Variants in RFTN1 observed in about 807,000 individuals in gnomAD.
RFTN1 encodes raftlin.
In RFTN1, 26 loss-of-function variants were observed where a neutral mutation model predicts 46.5. The observed-to-expected ratio is 0.56, with a 90% confidence interval of 0.41 to 0.78. RFTN1 has a LOEUF of 0.78. Ranked by LOEUF, RFTN1 falls within the 30% of genes least tolerant of loss-of-function variation. RFTN1 has a pLI of 0.00. For synonymous variants in RFTN1, 261 were observed against 284.2 expected, an observed-to-expected ratio of 0.92 and a Z score of 0.82; for missense variants, 693 against 718.7, an observed-to-expected ratio of 0.96 and a Z score of 0.41.
Position 16,504,784 on chromosome 3 carries a change from A to T in RFTN1, c.-9+8658T>A, listed in dbSNP as rs1401944299. The stretch of plus-strand genomic sequence containing the variant: ...CAGCTCCAGGCAGACATCTCCAAGA[A>T]CTGTTTCAACATCTCCACCTGGAAC... On this transcript the variant is annotated intron_variant, in intron 1 of 9. Coordinates refer to ENST00000334133, the MANE Select transcript of RFTN1 (RefSeq NM_015150.2). This position sits in a 1 kb window ranked among gnomAD's most constrained non-coding sequence, Gnocchi z 4.4. 6.6e-6 allele frequency among the ~76,000 whole-genome samples: 1 copy of T among 152,106 alleles called. No homozygotes were observed. The highest frequency in any genetic ancestry group is 1.9e-4 in the East Asian group (1 of 5,194).
At chr3:16,444,528 C>A (rs2075693182) in intron 2 of RFTN1, among the ~76,000 whole-genome samples, 1 of 152,196 alleles carries the variant, frequency 6.6e-6, no homozygotes, top group South Asian at 2.1e-4. Context: ...AGTACTCCTG[C>A]AATGGAATGA....
intron 4 of RFTN1, among the ~76,000 whole-genome samples, chr3:16,405,810 A>G (rs2074843364): frequency 6.6e-6 from 1 of 152,198 alleles, no homozygotes; most frequent in South Asian, 2.1e-4. Context: ...TGATGGTACT[A>G]TGACAAAACG....
In RFTN1 at chr3:16,383,324, T is replaced by G. The variant is rs2074057069; in HGVS notation, c.442-5222A>C. 6.6e-6 allele frequency among the ~76,000 whole-genome samples: 1 copy of G among 152,294 alleles called. No homozygotes were observed. Among genetic ancestry groups the G allele is most frequent in the Admixed American group, 6.5e-5 (1 of 15,300 alleles). ...GTAAGAACCCACCTGCCCCAAATACTTAAAGAGTAACAATTTCTGGTTGAG... is the reference window on the plus strand; with the variant it reads ...GTAAGAACCCACCTGCCCCAAATACGTAAAGAGTAACAATTTCTGGTTGAG... On this transcript the variant is annotated intron_variant, in intron 4 of 9. Coordinates refer to ENST00000334133, the MANE Select transcript of RFTN1 (RefSeq NM_015150.2). The surrounding 1 kb of genome is among the most constrained non-coding windows in gnomAD (Gnocchi z 4.0).
Position 16,451,300 on chromosome 3 carries a change from C to T in RFTN1, c.146-17263G>A, listed in dbSNP as rs1172694562. Reference sequence around the variant, plus strand: ...ATCAGTGACCTCCTCTTACCCACCACGTCAGATCCCCCAAAGCCTTCATTC... The same window carrying T: ...ATCAGTGACCTCCTCTTACCCACCATGTCAGATCCCCCAAAGCCTTCATTC... On this transcript the variant is annotated intron_variant, in intron 2 of 9. Transcript: ENST00000334133. The surrounding 1 kb of genome is among the most constrained non-coding windows in gnomAD (Gnocchi z 4.2). Among the ~76,000 whole-genome samples the T allele has an allele frequency of 2.6e-5, 4 of 152,186 alleles. No individual in the cohort carries two copies. In the East Asian group the frequency reaches 5.8e-4, roughly 22 times the overall value.
In RFTN1 at chr3:16,346,028, G is replaced by T. The variant is rs2071694780; in HGVS notation, c.1146+11904C>A. 6.6e-6 allele frequency: 1 copy of T among 152,022 alleles called. No homozygotes were observed. The highest frequency in any genetic ancestry group is 6.6e-5 in the Admixed American group (1 of 15,258). The allele number at this position is 152,022 out of a possible 1,614,324, so 9.4% of individuals were successfully genotyped here. On this transcript the variant is annotated intron_variant, in intron 7 of 9. Transcript: ENST00000334133. The surrounding 1 kb of genome is among the most constrained non-coding windows in gnomAD (Gnocchi z 4.4). ...TGCAGCAAGAATCAAAATTCACTTT[G>T]CCCCATGATCTTCACCAGAACGGCA... is the stretch of plus-strand genomic sequence containing the variant.
intron 7 of RFTN1, among the ~76,000 whole-genome samples, chr3:16,339,150 C>A (rs955881013): frequency 6.6e-6 from 1 of 152,216 alleles, no homozygotes; most frequent in Non-Finnish European, 1.5e-5. Context: ...TTCTCTCTCC[C>A]TAACTTTCTC....
intron 2 of RFTN1, among the ~76,000 whole-genome samples, chr3:16,462,399 A>C (rs1018796542): frequency 4.6e-5 from 7 of 152,250 alleles, no homozygotes; most frequent in South Asian, 2.1e-4. Context: ...CTTATATAAC[A>C]AAGGATGTGA....
At position 16,345,855 on chromosome 3, in the gene RFTN1, T is replaced by TGTGTGTGTGTGTGC. The variant is rs1559843974; in HGVS notation, c.1146+12076_1146+12077insGCACACACACACAC. ...GCGCGCACGCGCACATGTGCATGTG[T>TGTGTGTGTGTGTGC]ATGTGTATAATCTCCTACTGGTTCT... is the stretch of plus-strand genomic sequence containing the variant. On this transcript the variant is annotated intron_variant, in intron 7 of 9. Transcript: ENST00000334133. This position sits in a 1 kb window ranked among gnomAD's most constrained non-coding sequence, Gnocchi z 5.2. 6.5e-5 allele frequency among the ~76,000 whole-genome samples: 4 copies of TGTGTGTGTGTGTGC among 61,734 alleles called. No homozygotes were observed. Among genetic ancestry groups the TGTGTGTGTGTGTGC allele is most frequent in the Non-Finnish European group, 1.2e-4 (4 of 33,512 alleles). 40.5% of individuals were successfully genotyped at this position (61,734 alleles called of 152,430 possible). A position where few individuals can be genotyped will look rare whatever the true frequency, so the allele number is the denominator to read the frequency against.
Position 16,354,556 on chromosome 3 carries a change from G to A in RFTN1, c.1146+3376C>T, listed in dbSNP as rs114128721. On this transcript the variant is annotated intron_variant, in intron 7 of 9. Coordinates refer to ENST00000334133, the MANE Select transcript of RFTN1 (RefSeq NM_015150.2). ...GGCCTCTGATGGGAGCAGCAGCCTT[G>A]ATGATCTCAGAAATGCCTTCAGGTC... Among the ~76,000 whole-genome samples, 135 of 152,326 alleles carry A rather than the reference G, an allele frequency of 8.9e-4. 1 individual carries two copies. The highest frequency in any genetic ancestry group is 3.1e-3 in the African/African-American group (130 of 41,576).
At chr3:16,434,132 T>TCCCCGAGGG in intron 2 of RFTN1, 95 bp from the exon 3 acceptor site, 2 of 1,003,866 alleles carry the variant, frequency 2.0e-6, no homozygotes, top group African/African-American at 1.6e-5. Flanking sequence ...GGGAGGATCC[T>TCCCCGAGGG]CTAGGTCACT....
chr3:16,318,223 C>T lies in RFTN1; in HGVS notation c.1333-991G>A, dbSNP rs553321059. On this transcript the variant is annotated intron_variant, in intron 9 of 9. Transcript: ENST00000334133. ...GTTTCTCAATCTGAATTTCTCATCT[C>T]GGTGGCCCAGAGTGCACGTGGGGTT... Among the ~76,000 whole-genome samples, 6 of 152,246 alleles carry T rather than the reference C, an allele frequency of 3.9e-5. No individual in the cohort carries two copies. The South Asian group carries it at 8.3e-4, about 21-fold the overall frequency.
intron 2 of RFTN1, among the ~76,000 whole-genome samples, chr3:16,463,766 T>C (rs2076044603): frequency 6.6e-6 from 1 of 152,230 alleles, no homozygotes; most frequent in African/African-American, 2.4e-5. Context: ...ACATCATGTA[T>C]TAGAAAGTTG....
intron 6 of RFTN1, 109 bp downstream of exon 6, chr3:16,369,967 G>T: frequency 2.0e-6 from 2 of 1,014,888 alleles, no homozygotes; most frequent in Non-Finnish European, 3.0e-6. Flanking sequence ...CATGGTTATC[G>T]GCTGCAGAGC....
In RFTN1 at chr3:16,448,876, A is replaced by C. The variant is rs1266206730; in HGVS notation, c.146-14839T>G. ...GAGGCAAGCAGCCAGCCGGCATCCC[A>C]CAGAGATTATTCATAGCAGAAATAT... On this transcript the variant is annotated intron_variant, in intron 2 of 9. Transcript: ENST00000334133. This position sits in a 1 kb window ranked among gnomAD's most constrained non-coding sequence, Gnocchi z 4.1. Among the ~76,000 whole-genome samples, 1 of 152,222 alleles carries C rather than the reference A, an allele frequency of 6.6e-6. No homozygotes were observed. Among genetic ancestry groups the C allele is most frequent in the Non-Finnish European group, 1.5e-5 (1 of 68,042 alleles).
intron 7 of RFTN1, among the ~76,000 whole-genome samples, chr3:16,330,289 CTTAA>C (rs2070181612): frequency 6.6e-6 from 1 of 152,196 alleles, no homozygotes; most frequent in Non-Finnish European, 1.5e-5. Flanking sequence ...ATGGTCTTGG[CTTAA>C]TTAATGTTAA....
chr3:16,495,710 G>C (rs1245265192), intron 1 of RFTN1, among the ~76,000 whole-genome samples: 1 of 152,218 alleles, frequency 6.6e-6, no homozygotes, highest in African/African-American at 2.4e-5. Context: ...GAGGCAGCGT[G>C]GGGTTTAGGG....
At chr3:16,470,229 C>G (rs554315819) in intron 2 of RFTN1, among the ~76,000 whole-genome samples, 71 of 150,622 alleles carry the variant, frequency 4.7e-4, no homozygotes, top group African/African-American at 1.6e-3. Flanking sequence ...TCTGCACACA[C>G]GCACACACAC....
At position 16,370,641 on chromosome 3, in the gene RFTN1, C is replaced by T. The variant is rs1325732260; in HGVS notation, c.827-362G>A. ...GATGTGTTTTAGAAATAAAAGCAGA[C>T]ATACTTGGGTGAGAATGGTCTTTGG... On this transcript the variant is annotated intron_variant, in intron 5 of 9. Coordinates refer to ENST00000334133, the MANE Select transcript of RFTN1 (RefSeq NM_015150.2). The surrounding 1 kb of genome is among the most constrained non-coding windows in gnomAD (Gnocchi z 5.5). 6.6e-6 allele frequency among the ~76,000 whole-genome samples: 1 copy of T among 152,182 alleles called. No individual in the cohort carries two copies. Among genetic ancestry groups the T allele is most frequent in the Non-Finnish European group, 1.5e-5 (1 of 68,040 alleles).
rs1264608500 is a variant in RFTN1 at position 16,457,502 on chromosome 3, G to C, written c.146-23465C>G. ...TATACCTTCTTTTACGATATACAAG[G>C]CATCCCAAAAGTCTCAATACAGTTT... On this transcript the variant is annotated intron_variant, in intron 2 of 9. Transcript: ENST00000334133. The surrounding 1 kb of genome is among the most constrained non-coding windows in gnomAD (Gnocchi z 4.2). Among the ~76,000 whole-genome samples, 1 of 152,108 alleles carries C rather than the reference G, an allele frequency of 6.6e-6. No individual in the cohort carries two copies. The highest frequency in any genetic ancestry group is 1.5e-5 in the Non-Finnish European group (1 of 68,028).
Sources: gnomAD v4.1 joint callset for allele counts (sites outside exome capture counted in the v4.1 genomes callset) on GRCh38, gnomAD v4.1.1 for gene constraint, Gnocchi (gnomAD v3.1) non-coding constraint, MANE v1.5 for transcripts, NCBI Gene and HGNC (gene_info 2026-07-23, HGNC 2026-07-21) for gene names.